DNPEP: variants seen among roughly 807,000 people sequenced by gnomAD.
The protein encoded by DNPEP is aspartyl aminopeptidase.
In DNPEP, 46 loss-of-function variants were observed where a neutral mutation model predicts 59.1. The ratio of observed to expected loss-of-function variants is 0.78; its 90% confidence interval spans 0.61 to 0.99. The LOEUF (loss-of-function observed/expected upper bound fraction) is 0.99. Among genes scored for constraint, DNPEP ranks in the 50% least tolerant of loss-of-function variants. The probability of loss-of-function intolerance (pLI) is 0.00; values close to 1 mark genes in which losing one functional copy is unlikely to be tolerated. For missense variants in DNPEP, 617 were observed against 649.9 expected, an observed-to-expected ratio of 0.95 and a Z score of 0.55; for synonymous variants, 229 against 242.2, an observed-to-expected ratio of 0.95 and a Z score of 0.50.
chr2:219,387,939 T>TGGGCCGCCCCGCCCCA, upstream of DNPEP: 1 of 1,344,404 alleles, frequency 7.4e-7, no homozygotes. Flanking sequence ...CGCCCCATGT[T>TGGGCCGCCCCGCCCCA]TGGCCTCCCC....
At chr2:219,385,346 G>A (rs749957919) in intron 8 of DNPEP, 78 bp downstream of exon 8, 3 of 912,408 alleles carry the variant, frequency 3.3e-6, no homozygotes, top group Non-Finnish European at 3.5e-6. Context: ...GAGGTGATGG[G>A]TGCTTCAGCA....
At chr2:219,378,379 C>T (rs1953455680) in intron 13 of DNPEP, among the ~76,000 whole-genome samples, 1 of 152,204 alleles carries the variant, frequency 6.6e-6, no homozygotes, top group Non-Finnish European at 1.5e-5. Flanking sequence ...CTTGTGCCCT[C>T]TGGCTGGGAC....
intron 4 of DNPEP, 38 bp from the exon 5 acceptor site, chr2:219,386,449 G>A (rs1326364408): frequency 3.1e-6 from 5 of 1,613,256 alleles, no homozygotes; most frequent in Non-Finnish European, 4.2e-6. Flanking sequence ...AAGGCTTCAT[G>A]ACGATATGTG....
chr2:219,374,836 G>A lies in DNPEP; in HGVS notation c.1407+19C>T. The A allele has an allele frequency of 6.2e-7, 1 of 1,607,090 alleles. No homozygotes were observed. The highest frequency in any genetic ancestry group is 8.5e-7 in the Non-Finnish European group (1 of 1,174,210). On this transcript the variant is annotated intron_variant, in intron 14 of 14. Transcript: ENST00000273075. Reference sequence around the variant, plus strand: ...GGGAAGCAGCCCAGCTGCCAGAGAGGGTCTGGGGTGGGTGTTACCTTGAAG... The same window carrying A: ...GGGAAGCAGCCCAGCTGCCAGAGAGAGTCTGGGGTGGGTGTTACCTTGAAG...
Position 219,386,688 on chromosome 2 carries a change from G to A in DNPEP, c.310C>T (p.His104Tyr). The A allele has an allele frequency of 6.2e-7, 1 of 1,612,454 alleles. No homozygotes were observed. The highest frequency in any genetic ancestry group is 2.2e-5 in the East Asian group (1 of 44,836). ...PGNGFSLIGA[H>Y]TDSPCLRVKR... The stretch of plus-strand genomic sequence containing the variant: ...ACCCGGAGGCAGGGGCTGTCCGTGT[G>A]GGCCCCGATGAGGCTGAAGCCATTG... Residue 104 changes from histidine to tyrosine, a missense_variant, in exon 4 of 15, where the codon CAC becomes TAC. His to Tyr is a moderately conservative substitution (Grantham distance 83). Coordinates refer to ENST00000273075, the MANE Select transcript of DNPEP (RefSeq NM_012100.4).
Position 219,374,191 on chromosome 2 carries a change from G to A in DNPEP, c.*101C>T. The stretch of plus-strand genomic sequence containing the variant: ...AGTCTCCAAATAAGCGTAGCACGGA[G>A]AGTCTGAGTGACAATCCACTTTAAT... On this transcript the variant is annotated 3_prime_UTR_variant, in exon 15 of 15. Coordinates refer to ENST00000273075, the MANE Select transcript of DNPEP (RefSeq NM_012100.4). The A allele has an allele frequency of 8.8e-7, 1 of 1,133,520 alleles. No homozygotes were observed. Among genetic ancestry groups the A allele is most frequent in the Admixed American group, 1.8e-5 (1 of 56,808 alleles). The allele number at this position is 1,133,520 out of a possible 1,614,324, so 70.2% of individuals were successfully genotyped here.
rs563571975 is a variant in DNPEP, at chr2:219,373,336, G to C, written c.*956C>G. On this transcript the variant is annotated 3_prime_UTR_variant, in exon 15 of 15. Transcript: ENST00000273075. Reference sequence around the variant, plus strand: ...GCCCACCTCAGCCTCCTAAAGTGCTGGGACTACAGGCATGACCCATCACGC... The same window carrying C: ...GCCCACCTCAGCCTCCTAAAGTGCTCGGACTACAGGCATGACCCATCACGC... Among the ~76,000 whole-genome samples, 159 of 152,100 alleles carry C rather than the reference G, an allele frequency of 1.0e-3. 1 individual carries two copies. Among genetic ancestry groups the C allele is most frequent in the African/African-American group, 3.5e-3 (147 of 41,480 alleles).
intron 13 of DNPEP, among the ~76,000 whole-genome samples, chr2:219,378,851 A>G (rs1301223286): frequency 8.1e-5 from 6 of 73,998 alleles, no homozygotes; most frequent in Admixed American, 5.6e-4. Flanking sequence ...TATGTACAGT[A>G]TGCAATACCT....
intron 13 of DNPEP, among the ~76,000 whole-genome samples, chr2:219,380,768 G>A (rs772216555): frequency 4.0e-5 from 6 of 150,332 alleles, no homozygotes; most frequent in Non-Finnish European, 7.4e-5. Flanking sequence ...ATGCATGACA[G>A]TATATATGTG....
intron 8 of DNPEP, chr2:219,385,165 C>G: frequency 2.3e-6 from 1 of 436,052 alleles, no homozygotes; most frequent in Non-Finnish European, 4.2e-6. Context: ...CAGACAGGGC[C>G]CACCTGTAGA....
chr2:219,382,462 C>T (rs951383291), intron 10 of DNPEP, among the ~76,000 whole-genome samples: 1 of 152,194 alleles, frequency 6.6e-6, no homozygotes, highest in African/African-American at 2.4e-5. Flanking sequence ...GCTAACTGTC[C>T]ATGATATCTT....
intron 10 of DNPEP, 83 bp from the exon 11 acceptor site, chr2:219,382,222 A>G (rs773805270): frequency 3.4e-6 from 5 of 1,491,932 alleles, no homozygotes; most frequent in African/African-American, 1.4e-5. Context: ...CCATTGCCCA[A>G]CTGGCCCAAA....
intron 13 of DNPEP, among the ~76,000 whole-genome samples, chr2:219,378,723 C>T (rs951388615): frequency 1.3e-5 from 2 of 152,124 alleles, no homozygotes; most frequent in South Asian, 4.1e-4. Context: ...AAATTCCTGT[C>T]GCCTAGTGAC....
rs1358353991 is a variant in DNPEP at position 219,372,388 on chromosome 2, C to T, written c.*1904G>A. 6.6e-6 allele frequency among the ~76,000 whole-genome samples: 1 copy of T among 151,656 alleles called. No individual in the cohort carries two copies. The highest frequency in any genetic ancestry group is 1.5e-5 in the Non-Finnish European group (1 of 67,938). On this transcript the variant is annotated 3_prime_UTR_variant, in exon 15 of 15. Coordinates refer to ENST00000273075, the MANE Select transcript of DNPEP (RefSeq NM_012100.4). ...ATATATAATAATTTTTTTTTTGAGACGGAGTCTGGCTCTGTCGCCCAGGCT... is the reference window on the plus strand; with the variant it reads ...ATATATAATAATTTTTTTTTTGAGATGGAGTCTGGCTCTGTCGCCCAGGCT...
chr2:219,377,307 T>C (rs1192241202), intron 13 of DNPEP, among the ~76,000 whole-genome samples: 1 of 74,816 alleles, frequency 1.3e-5, no homozygotes, highest in Admixed American at 1.3e-4. Context: ...AAAAAAAAAG[T>C]TTAACTTGAA....
chr2:219,387,839 C>T lies in DNPEP; in HGVS notation c.-45G>A, dbSNP rs769825882. The T allele has an allele frequency of 6.5e-7, 1 of 1,546,276 alleles. No individual in the cohort carries two copies. Among genetic ancestry groups the T allele is most frequent in the South Asian group, 1.2e-5 (1 of 85,234 alleles). The stretch of plus-strand genomic sequence containing the variant: ...CGCCCCCACCGCGCCGCCTGCCCCG[C>T]CCCTCACTAGCTTTGCAGGTCCCCC... On this transcript the variant is annotated 5_prime_UTR_variant, in exon 1 of 15. Coordinates refer to ENST00000273075, the MANE Select transcript of DNPEP (RefSeq NM_012100.4).
At chr2:219,398,466 A>G (rs909442865) in intron 1 of DNPEP, among the ~76,000 whole-genome samples, 1 of 152,220 alleles carries the variant, frequency 6.6e-6, no homozygotes, top group Admixed American at 6.5e-5. Context: ...TCTGGCCAAC[A>G]TGGTGAAACC....
chr2:219,380,948 C>A (rs1953571084), intron 13 of DNPEP, among the ~76,000 whole-genome samples: 1 of 152,022 alleles, frequency 6.6e-6, no homozygotes, highest in African/African-American at 2.4e-5. Context: ...CCTGAACTTT[C>A]CCTGTGGAAG....
chr2:219,381,154 A>T (rs1423571097), intron 13 of DNPEP, among the ~76,000 whole-genome samples, 181 bp downstream of exon 13: 2 of 152,250 alleles, frequency 1.3e-5, no homozygotes, highest in Admixed American at 6.5e-5. Flanking sequence ...TCACACAGCT[A>T]GCACTGCAGC....
Sources: gnomAD v4.1 joint callset for allele counts (sites outside exome capture counted in the v4.1 genomes callset) on GRCh38, gnomAD v4.1.1 for gene constraint, MANE v1.5 for transcripts, NCBI Gene and HGNC (gene_info 2026-07-23, HGNC 2026-07-21) for gene names.